Variants in ACVR2A observed in about 807,000 individuals in gnomAD.
ACVR2A encodes activin A receptor type 2A.
ACVR2A carries 7 observed loss-of-function variants against 61.4 expected under a neutral mutation model. The observed-to-expected ratio is 0.11, with a 90% CI of 0.06 to 0.21. The LOEUF (loss-of-function observed/expected upper bound fraction) is 0.21. ACVR2A is among the 10% of genes least tolerant of loss of function. ACVR2A has a pLI of 1.00. For missense variants in ACVR2A, 322 were observed against 621.7 expected (o/e 0.52, Z 5.13); for synonymous variants, 193 against 208.3 (o/e 0.93, Z 0.63).
chr2:147,888,675 C>G (rs1013133179), intron 1 of ACVR2A, among the ~76,000 whole-genome samples: 2 of 150,362 alleles, frequency 1.3e-5, no homozygotes, highest in African/African-American at 2.4e-5. Context: ...GCTGCTGCTG[C>G]TGCTTCTTTT....
intron 1 of ACVR2A, among the ~76,000 whole-genome samples, chr2:147,855,188 A>G (rs545921942): frequency 2.0e-5 from 3 of 151,936 alleles, no homozygotes; most frequent in African/African-American, 4.8e-5. Context: ...CCTATTTCTT[A>G]TTTGTCCTTT....
intron 7 of ACVR2A, 26 bp downstream of exon 7, chr2:147,918,618 C>T (rs1238715601): frequency 2.5e-6 from 4 of 1,578,036 alleles, no homozygotes; most frequent in Middle Eastern, 1.7e-4. Flanking sequence ...ATTGTTTTCC[C>T]AGATAATTGA....
chr2:147,923,506 T>C (rs1246986830), intron 9 of ACVR2A, among the ~76,000 whole-genome samples: 3 of 152,058 alleles, frequency 2.0e-5, no homozygotes, highest in Admixed American at 6.6e-5. Flanking sequence ...AGAGGTCTGC[T>C]TTAAGGTCAT....
chr2:147,867,623 CAG>C (rs750365291), intron 1 of ACVR2A, among the ~76,000 whole-genome samples: 1 of 152,052 alleles, frequency 6.6e-6, no homozygotes, highest in African/African-American at 2.4e-5. Context: ...ACCAGGGAAA[CAG>C]AAAACTTCCC....
rs1159372610 is a variant in ACVR2A, at chr2:147,928,860, A to G, written c.*1586A>G. 6.6e-6 allele frequency: 1 copy of G among 152,410 alleles called. No homozygotes were observed. The highest frequency in any genetic ancestry group is 1.5e-5 in the Non-Finnish European group (1 of 67,944). 9.4% of individuals were successfully genotyped at this position (152,410 alleles called of 1,614,324 possible). ...CCAGATTACCAATCAATTAATCAAC[A>G]AATAGCCAGTATTATGCTGTGTATT... On this transcript the variant is annotated 3_prime_UTR_variant, in exon 11 of 11. Coordinates refer to ENST00000241416, the MANE Select transcript of ACVR2A (RefSeq NM_001616.5).
At chr2:147,895,519 G>A (rs1573688040) in intron 1 of ACVR2A, among the ~76,000 whole-genome samples, 2 of 152,074 alleles carry the variant, frequency 1.3e-5, no homozygotes, top group Non-Finnish European at 2.9e-5. Context: ...GCCACTCTTG[G>A]TACTGGAATT....
chr2:147,887,260 A>C (rs1191687924), intron 1 of ACVR2A, among the ~76,000 whole-genome samples: 1 of 152,106 alleles, frequency 6.6e-6, no homozygotes, highest in Admixed American at 6.6e-5. Context: ...AATGTGATTA[A>C]AGAATGTAAT....
intron 4 of ACVR2A, among the ~76,000 whole-genome samples, chr2:147,911,865 C>T (rs1001513737): frequency 1.1e-4 from 16 of 151,914 alleles, no homozygotes; most frequent in Admixed American, 6.6e-5. Context: ...GCCTCAAAAA[C>T]CTTGTATTGG....
intron 1 of ACVR2A, among the ~76,000 whole-genome samples, chr2:147,894,278 G>C (rs1016990511): frequency 6.6e-6 from 1 of 152,026 alleles, no homozygotes; most frequent in African/African-American, 2.4e-5. Flanking sequence ...AAGTTTTATA[G>C]TAAGTCTTAA....
chr2:147,891,539 AG>A (rs1251839394), intron 1 of ACVR2A, among the ~76,000 whole-genome samples: 1 of 152,112 alleles, frequency 6.6e-6, no homozygotes, highest in African/African-American at 2.4e-5. Flanking sequence ...ATCCAAAAAA[AG>A]AATAGTATTT....
At chr2:147,855,496 A>G (rs940255263) in intron 1 of ACVR2A, among the ~76,000 whole-genome samples, 1 of 152,224 alleles carries the variant, frequency 6.6e-6, no homozygotes, top group Non-Finnish European at 1.5e-5. Context: ...TCTGAAAAAC[A>G]TACTGGAAGA....
intron 1 of ACVR2A, among the ~76,000 whole-genome samples, chr2:147,873,483 C>CT (rs1686075772): frequency 1.3e-5 from 2 of 151,956 alleles, no homozygotes; most frequent in Admixed American, 6.6e-5. Flanking sequence ...TTCTAGGACT[C>CT]TAACTATACA....
intron 1 of ACVR2A, among the ~76,000 whole-genome samples, chr2:147,860,388 A>G (rs1258819457): frequency 6.6e-6 from 1 of 151,964 alleles, no homozygotes; most frequent in Non-Finnish European, 1.5e-5. Context: ...GCCTGCTATT[A>G]ATTGTGTTAC....
intron 4 of ACVR2A, among the ~76,000 whole-genome samples, chr2:147,901,132 TA>T (rs2105195985): frequency 6.6e-6 from 1 of 152,162 alleles, no homozygotes; most frequent in South Asian, 2.1e-4. Context: ...TGTTTTAAAA[TA>T]AAAAGTTTTA....
At chr2:147,863,132 C>T (rs991290949) in intron 1 of ACVR2A, among the ~76,000 whole-genome samples, 1 of 152,142 alleles carries the variant, frequency 6.6e-6, no homozygotes, top group Non-Finnish European at 1.5e-5. Flanking sequence ...TCTTTGGTAT[C>T]TACTATGCTA....
In ACVR2A at chr2:147,877,199, C is replaced by G. The variant is rs77847973; in HGVS notation, c.56-19102C>G. ...GAATCTTTTGGTATCTTTCAGTGGC[C>G]CACTAGTAAGAATTTTTTTGTCTTA... On this transcript the variant is annotated intron_variant, in intron 1 of 10. Coordinates refer to ENST00000241416, the MANE Select transcript of ACVR2A (RefSeq NM_001616.5). 4.6e-3 allele frequency among the ~76,000 whole-genome samples: 705 copies of G among 152,050 alleles called. 36 individuals are homozygous for G. In the East Asian group the frequency reaches 0.12, roughly 26 times the overall value.
chr2:147,891,604 G>A lies in ACVR2A; in HGVS notation c.56-4697G>A, dbSNP rs375533979. ...CCAAAAAAAGAATAATATTTTGTGA[G>A]TTGTAAAAACTACATGAAATCCAAT... On this transcript the variant is annotated intron_variant, in intron 1 of 10. Coordinates refer to ENST00000241416, the MANE Select transcript of ACVR2A (RefSeq NM_001616.5). 5.3e-5 allele frequency among the ~76,000 whole-genome samples: 8 copies of A among 152,080 alleles called. No homozygotes were observed. In the East Asian group the frequency reaches 1.2e-3, roughly 22 times the overall value.
intron 1 of ACVR2A, among the ~76,000 whole-genome samples, chr2:147,892,608 G>T (rs1433368316): frequency 6.6e-6 from 1 of 151,474 alleles, no homozygotes; most frequent in African/African-American, 2.4e-5. Flanking sequence ...TGTTAGTAAA[G>T]AACAAGTTTT....
intron 8 of ACVR2A, among the ~76,000 whole-genome samples, chr2:147,922,014 A>G (rs1365474777): frequency 2.6e-5 from 4 of 152,156 alleles, no homozygotes; most frequent in Non-Finnish European, 5.9e-5. Context: ...TAAATAAACC[A>G]TAATCTTACA....
Sources: gnomAD v4.1 joint callset for allele counts (sites outside exome capture counted in the v4.1 genomes callset) on GRCh38, gnomAD v4.1.1 for gene constraint, MANE v1.5 for transcripts, NCBI Gene and HGNC (gene_info 2026-07-23, HGNC 2026-07-21) for gene names.